Variants in ITPR1 observed in about 807,000 individuals in gnomAD.
ITPR1 encodes the protein inositol 1,4,5-trisphosphate-gated calcium channel ITPR1.
Under a neutral mutation model 318.4 loss-of-function variants are expected in ITPR1, and 96 were observed. The ratio of observed to expected loss-of-function variants is 0.30; its 90% CI spans 0.26 to 0.36. The LOEUF (loss-of-function observed/expected upper bound fraction) is 0.36. Ranked by LOEUF, ITPR1 falls within the 10% of genes least tolerant of loss-of-function variation. The pLI is 1.00. For synonymous variants in ITPR1, 1,312 were observed against 1,289.9 expected (o/e 1.02, Z -0.37); for missense variants, 2,440 against 3,460.2 (o/e 0.71, Z 7.40).
intron 23 of ITPR1, among the ~76,000 whole-genome samples, chr3:4,675,562 A>C (rs909419968): frequency 6.6e-6 from 1 of 152,232 alleles, no homozygotes; most frequent in Non-Finnish European, 1.5e-5. Context: ...TTGTTGAACA[A>C]TTTGAAAGTT....
chr3:4,590,057 C>T (rs996909194), intron 4 of ITPR1, among the ~76,000 whole-genome samples: 4 of 152,220 alleles, frequency 2.6e-5, no homozygotes, highest in South Asian at 4.1e-4. Flanking sequence ...CTCATGCCCT[C>T]ACTTGTTTCA....
At chr3:4,579,330 A>T (rs564434039) in intron 4 of ITPR1, among the ~76,000 whole-genome samples, 17 of 152,196 alleles carry the variant, frequency 1.1e-4, no homozygotes, top group Non-Finnish European at 2.5e-4. Flanking sequence ...TGTAATTTTG[A>T]TGATAATTTC....
At chr3:4,715,545 A>G (rs921617828) in intron 39 of ITPR1, among the ~76,000 whole-genome samples, 1 of 152,198 alleles carries the variant, frequency 6.6e-6, no homozygotes, top group Non-Finnish European at 1.5e-5. Context: ...AGTGCCCCCA[A>G]GAAGTGCCTG....
chr3:4,740,374 A>T (rs1184238754), intron 44 of ITPR1, among the ~76,000 whole-genome samples: 1 of 152,228 alleles, frequency 6.6e-6, no homozygotes, highest in Non-Finnish European at 1.5e-5. Flanking sequence ...TGTTGTAAGA[A>T]AATTCAGTCC....
intron 44 of ITPR1, among the ~76,000 whole-genome samples, chr3:4,754,856 A>C (rs2044832501): frequency 6.6e-6 from 1 of 152,174 alleles, no homozygotes; most frequent in Admixed American, 6.5e-5. Context: ...GGTATCGTTG[A>C]TTTGACACTC....
intron 47 of ITPR1, among the ~76,000 whole-genome samples, chr3:4,775,844 A>C (rs966389214): frequency 4.6e-5 from 7 of 152,220 alleles, no homozygotes; most frequent in African/African-American, 1.7e-4. Flanking sequence ...AGAGAAGAAA[A>C]TTACTACACG....
chr3:4,784,571 T>TG (rs1463341989), intron 51 of ITPR1, among the ~76,000 whole-genome samples: 2 of 145,628 alleles, frequency 1.4e-5, no homozygotes, highest in African/African-American at 2.5e-5. Context: ...TTTTTGTTTT[T>TG]TTTTTTTTTT....
intron 48 of ITPR1, among the ~76,000 whole-genome samples, chr3:4,778,992 C>G (rs1246060610): frequency 6.6e-6 from 1 of 152,184 alleles, no homozygotes; most frequent in Non-Finnish European, 1.5e-5. Flanking sequence ...TAGGGCTTGG[C>G]CTGCATACAT....
At chr3:4,731,592 C>T (rs1003308087) in intron 42 of ITPR1, among the ~76,000 whole-genome samples, 1 of 152,172 alleles carries the variant, frequency 6.6e-6, no homozygotes. Flanking sequence ...CCTCCCGTCT[C>T]CCCTGTTTAT....
intron 4 of ITPR1, among the ~76,000 whole-genome samples, chr3:4,540,657 G>C (rs895973164): frequency 3.3e-5 from 5 of 152,104 alleles, no homozygotes; most frequent in African/African-American, 9.6e-5. Flanking sequence ...GCTTGATCTC[G>C]GCTTGCTGTA....
At chr3:4,695,771 A>G (rs950884993) in intron 33 of ITPR1, among the ~76,000 whole-genome samples, 3 of 152,170 alleles carry the variant, frequency 2.0e-5, no homozygotes, top group Non-Finnish European at 4.4e-5. Flanking sequence ...GCTTTGGAGC[A>G]TTCCTTTCTA....
At chr3:4,547,277 T>G (rs886214721) in intron 4 of ITPR1, among the ~76,000 whole-genome samples, 12 of 152,238 alleles carry the variant, frequency 7.9e-5, no homozygotes, top group Non-Finnish European at 1.3e-4. Context: ...GATTTATCAC[T>G]TACATTTACT....
At chr3:4,560,665 A>G (rs1227215288) in intron 4 of ITPR1, among the ~76,000 whole-genome samples, 1 of 152,202 alleles carries the variant, frequency 6.6e-6, no homozygotes, top group African/African-American at 2.4e-5. Context: ...TGTTAGTCAC[A>G]TTACAGCCTT....
chr3:4,802,867 G>A (rs1158009774), intron 54 of ITPR1, among the ~76,000 whole-genome samples: 2 of 151,644 alleles, frequency 1.3e-5, no homozygotes, highest in South Asian at 2.1e-4. Flanking sequence ...AAGAAAGAGA[G>A]AAAGAGAGAT....
chr3:4,665,194 G>T lies in ITPR1; in HGVS notation c.1611G>T (p.Arg537=). 6.2e-7 allele frequency: 1 copy of T among 1,614,020 alleles called. No homozygotes were observed. Among genetic ancestry groups the T allele is most frequent in the Non-Finnish European group, 8.5e-7 (1 of 1,179,866 alleles). Residue 537 remains arginine (R), a synonymous_variant, in exon 17 of 62, where the codon CGG becomes CGT. Transcript: ENST00000649015. The part of the protein sequence containing the change: ...FTDCGDGPML[R]LEELGDQRHA... ...ACTGCGGTGATGGCCCAATGCTTCG[G>T]CTGGAAGAGCTCGGGGACCAGCGGC... is the stretch of plus-strand genomic sequence containing the variant.
chr3:4,835,065 A>G (rs1395472604), intron 60 of ITPR1, among the ~76,000 whole-genome samples: 1 of 152,188 alleles, frequency 6.6e-6, no homozygotes, highest in Admixed American at 6.5e-5. Flanking sequence ...TCAGTATACT[A>G]AGGTGGTTCC....
At position 4,595,528 on chromosome 3, in the gene ITPR1, G is replaced by A. The variant is rs563800586; in HGVS notation, c.164-32235G>A. ...CAATTCCACATGAGATTTGGGTGGAGGTGCAGATCCAAACTATATCAAAAC... is the reference window on the plus strand; with the variant it reads ...CAATTCCACATGAGATTTGGGTGGAAGTGCAGATCCAAACTATATCAAAAC... On this transcript the variant is annotated intron_variant, in intron 4 of 61. Transcript: ENST00000649015. Among the ~76,000 whole-genome samples the A allele has an allele frequency of 1.8e-4, 28 of 152,336 alleles. No homozygotes were observed. In the East Asian group the frequency reaches 5.0e-3, roughly 27 times the overall value.
chr3:4,530,286 A>G (rs1284579830), intron 4 of ITPR1, among the ~76,000 whole-genome samples: 1 of 152,232 alleles, frequency 6.6e-6, no homozygotes, highest in Non-Finnish European at 1.5e-5. Flanking sequence ...CTCCTGGCCC[A>G]GCACCTGGCA....
chr3:4,842,570 G>C (rs1438496002), intron 61 of ITPR1, among the ~76,000 whole-genome samples: 1 of 152,158 alleles, frequency 6.6e-6, no homozygotes, highest in Non-Finnish European at 1.5e-5. Flanking sequence ...GTTTTACCAT[G>C]TTGGCCAGGC....
Sources: allele counts gnomAD v4.1 joint callset (sites outside exome capture counted in the v4.1 genomes callset), GRCh38; gene constraint gnomAD v4.1.1; transcripts MANE v1.5; gene names NCBI Gene and HGNC (gene_info 2026-07-23, HGNC 2026-07-21).